Variants in PDE11A observed in about 807,000 individuals in gnomAD.
PDE11A encodes dual 3',5'-cyclic-AMP and -GMP phosphodiesterase 11A.
In PDE11A, 100 loss-of-function variants were observed where a neutral mutation model predicts 100.5. The observed-to-expected ratio is 1.00, with a 90% CI of 0.85 to 1.18. PDE11A has a LOEUF of 1.18. PDE11A is among the 50% of genes most tolerant of loss of function. The pLI is 0.00. For synonymous variants in PDE11A, 381 were observed against 420.8 expected (o/e 0.91, Z 1.16); for missense variants, 1,141 against 1,152.6 (o/e 0.99, Z 0.15).
intron 5 of PDE11A, among the ~76,000 whole-genome samples, chr2:177,861,219 TAAAC>T (rs1422727675): frequency 1.3e-5 from 2 of 151,688 alleles, no homozygotes; most frequent in Non-Finnish European, 3.0e-5. Context: ...ACTATTATAA[TAAAC>T]AAGTTCAACA....
At chr2:178,087,256 G>A (rs1363649390) in intron 2 of PDE11A, among the ~76,000 whole-genome samples, 1 of 151,978 alleles carries the variant, frequency 6.6e-6, no homozygotes, top group Non-Finnish European at 1.5e-5. Context: ...AGGAGGCTGA[G>A]GCAGGAGAAT....
intron 17 of PDE11A, among the ~76,000 whole-genome samples, chr2:177,671,525 TA>T (rs1351150638): frequency 2.0e-5 from 3 of 151,990 alleles, no homozygotes; most frequent in Admixed American, 6.6e-5. Context: ...AAATATTTTT[TA>T]AAGAAGGGCC....
At chr2:177,887,139 A>T (rs1390573153) in intron 4 of PDE11A, among the ~76,000 whole-genome samples, 1 of 152,188 alleles carries the variant, frequency 6.6e-6, no homozygotes, top group Middle Eastern at 3.2e-3. Flanking sequence ...AGCTGGGCAA[A>T]CTATTAGACA....
chr2:178,032,105 G>A (rs964759971), intron 1 of PDE11A, among the ~76,000 whole-genome samples: 4 of 152,024 alleles, frequency 2.6e-5, no homozygotes, highest in Non-Finnish European at 5.9e-5. Flanking sequence ...AATGACCCTA[G>A]GTCAATTGCT....
chr2:177,937,456 C>A (rs1319393970), intron 2 of PDE11A, among the ~76,000 whole-genome samples: 1 of 151,568 alleles, frequency 6.6e-6, no homozygotes, highest in Non-Finnish European at 1.5e-5. Context: ...TAGTTGGGAC[C>A]ACAGGCACAC....
At chr2:177,840,753 G>A (rs1369748842) in intron 5 of PDE11A, among the ~76,000 whole-genome samples, 3 of 152,156 alleles carry the variant, frequency 2.0e-5, no homozygotes, top group African/African-American at 7.2e-5. Context: ...CAGACTAGAT[G>A]TTTTGGCACA....
chr2:178,098,951 T>C (rs1460400988), intron 2 of PDE11A, among the ~76,000 whole-genome samples: 1 of 152,106 alleles, frequency 6.6e-6, no homozygotes, highest in African/African-American at 2.4e-5. Flanking sequence ...AAAACCAGGG[T>C]TTGTATCCTA....
chr2:177,985,508 A>G (rs985600213), intron 2 of PDE11A, among the ~76,000 whole-genome samples: 3 of 152,238 alleles, frequency 2.0e-5, no homozygotes, highest in Non-Finnish European at 4.4e-5. Context: ...ACAAAAAAAA[A>G]TCAGTAAGGG....
intron 9 of PDE11A, among the ~76,000 whole-genome samples, chr2:177,773,264 C>G (rs1172645418): frequency 6.6e-6 from 1 of 152,124 alleles, no homozygotes; most frequent in Non-Finnish European, 1.5e-5. Context: ...TTCTCCCTCC[C>G]AAAGTGTTGT....
At chr2:177,738,286 G>A (rs996605759) in intron 10 of PDE11A, among the ~76,000 whole-genome samples, 1 of 152,132 alleles carries the variant, frequency 6.6e-6, no homozygotes, top group Non-Finnish European at 1.5e-5. Flanking sequence ...GAAGAAGGTA[G>A]GTCCTTGCAG....
chr2:177,658,318 A>C (rs1008629797), intron 19 of PDE11A, among the ~76,000 whole-genome samples: 9 of 152,198 alleles, frequency 5.9e-5, no homozygotes, highest in African/African-American at 1.9e-4. Flanking sequence ...TTTAAATAAT[A>C]GTCCCTGAAT....
intron 5 of PDE11A, among the ~76,000 whole-genome samples, chr2:177,850,096 A>T (rs1273192890): frequency 1.3e-5 from 2 of 152,220 alleles, no homozygotes. Flanking sequence ...AAGCCAAAAG[A>T]ACAAAGCTGG....
chr2:178,097,111 C>G (rs1215027810), intron 2 of PDE11A, among the ~76,000 whole-genome samples: 1 of 152,186 alleles, frequency 6.6e-6, no homozygotes, highest in Non-Finnish European at 1.5e-5. Context: ...TGGTCTTGAT[C>G]TCCTGACCTC....
At chr2:178,067,886 G>A (rs933409069) in intron 1 of PDE11A, among the ~76,000 whole-genome samples, 1 of 152,164 alleles carries the variant, frequency 6.6e-6, no homozygotes, top group Non-Finnish European at 1.5e-5. Context: ...CCTTCTGAAA[G>A]GCAGGCGCAC....
At chr2:177,718,505 G>A (rs2081476708) in intron 12 of PDE11A, among the ~76,000 whole-genome samples, 1 of 152,188 alleles carries the variant, frequency 6.6e-6, no homozygotes, top group Non-Finnish European at 1.5e-5. Context: ...TGATACTGCA[G>A]AGCCATTGGA....
intron 10 of PDE11A, among the ~76,000 whole-genome samples, chr2:177,742,865 T>G (rs1447732253): frequency 6.6e-6 from 1 of 152,180 alleles, no homozygotes; most frequent in East Asian, 1.9e-4. Flanking sequence ...AGGTTCTGAC[T>G]TTTAATCCCC....
At chr2:177,673,169 C>G (rs1476898531) in intron 17 of PDE11A, among the ~76,000 whole-genome samples, 2 of 152,158 alleles carry the variant, frequency 1.3e-5, no homozygotes, top group African/African-American at 4.8e-5. Flanking sequence ...GGACTTGAAT[C>G]AAAAACATAA....
intron 1 of PDE11A, among the ~76,000 whole-genome samples, chr2:178,017,804 C>T (rs2086357591): frequency 6.6e-6 from 1 of 151,904 alleles, no homozygotes; most frequent in South Asian, 2.1e-4. Flanking sequence ...ACTAAAAATA[C>T]AAAAAATTAG....
intron 2 of PDE11A, among the ~76,000 whole-genome samples, chr2:178,100,819 T>C (rs566966148): frequency 1.1e-4 from 17 of 152,184 alleles, no homozygotes; most frequent in Non-Finnish European, 1.9e-4. Flanking sequence ...TCAACGCTAT[T>C]GAGGAATAAA....
Sources: allele counts gnomAD v4.1 joint callset (sites outside exome capture counted in the v4.1 genomes callset), GRCh38; gene constraint gnomAD v4.1.1; transcripts MANE v1.5; gene names NCBI Gene and HGNC (gene_info 2026-07-23, HGNC 2026-07-21).